The following RGL3 variants were observed in gnomAD, a reference collection of about 807,000 sequenced individuals.
RGL3 encodes ral guanine nucleotide dissociation stimulator like 3, also known as ral guanine nucleotide dissociation stimulator-like 3.
Under a neutral mutation model 90.6 loss-of-function variants are expected in RGL3, and 85 were observed. The observed-to-expected ratio is 0.94, with a 90% CI of 0.79 to 1.12. RGL3 has a LOEUF of 1.12. Ranked by LOEUF, RGL3 falls within the 50% of genes most tolerant of loss-of-function variation. RGL3 has a pLI of 0.00. For synonymous variants in RGL3, 408 were observed against 385.5 expected, an observed-to-expected ratio of 1.06 and a Z score of -0.68; for missense variants, 1,034 against 939.2, an observed-to-expected ratio of 1.10 and a Z score of -1.32.
Position 11,418,633 on chromosome 19 carries a change from C to T in RGL3, c.147+38G>A, listed in dbSNP as rs1425401885. The T allele has an allele frequency of 6.1e-6, 9 of 1,485,416 alleles. No homozygotes were observed. The East Asian group carries it at 1.7e-4, about 28-fold the overall frequency. 92.0% of individuals were successfully genotyped at this position (1,485,416 alleles called of 1,614,324 possible). Reference sequence around the variant, plus strand: ...CTCCAGCTCCGCCCTCAACTGGTCGCTTCCGGCCCCGCGCCACCCACCAAA... The same window carrying T: ...CTCCAGCTCCGCCCTCAACTGGTCGTTTCCGGCCCCGCGCCACCCACCAAA... On this transcript the variant is annotated intron_variant, in intron 2 of 18. Transcript: ENST00000380456.
chr19:11,414,156 T>C (rs1212947441), intron 5 of RGL3, among the ~76,000 whole-genome samples: 12 of 110,646 alleles, frequency 1.1e-4, no homozygotes, highest in Admixed American at 4.0e-4. Flanking sequence ...TATATATATA[T>C]ATATATATAT....
At chr19:11,416,309 C>T (rs1968996686) in intron 4 of RGL3, 161 bp from the exon 5 acceptor site, 2 of 648,790 alleles carry the variant, frequency 3.1e-6, no homozygotes, top group Non-Finnish European at 2.6e-6. Context: ...ACCTCAGCCT[C>T]CCGAGTAGCT....
At position 11,416,095 on chromosome 19, in the gene RGL3, C is replaced by T. The variant is rs202141927; in HGVS notation, c.479G>A (p.Arg160Gln). The T allele has an allele frequency of 1.9e-5, 30 of 1,604,806 alleles. No individual in the cohort carries two copies. Among genetic ancestry groups the T allele is most frequent in the African/African-American group, 1.5e-4 (11 of 74,400 alleles). Residue 160 changes from arginine to glutamine, a missense_variant, in exon 5 of 19, where the codon CGA (arginine) becomes CAA (glutamine). Physicochemically the swap from Arg to Gln is conservative, Grantham distance 43. Transcript: ENST00000380456. ...CAGGTCCGAATGGGCAGGGTGGTCT[C>T]GGAAATCCTGAGGGTGGTCCTGCAG... Reference protein sequence around the residue: ...SWLQDHPQDFRDHPAHSDLGS... With the variant: ...SWLQDHPQDFQDHPAHSDLGS...
At chr19:11,402,584 C>A in intron 10 of RGL3, 43 bp from the exon 11 acceptor site, 1 of 1,611,996 alleles carries the variant, frequency 6.2e-7, no homozygotes, top group Non-Finnish European at 8.5e-7. Context: ...CATTACTGAC[C>A]CCATCACCAT....
intron 16 of RGL3, among the ~76,000 whole-genome samples, chr19:11,398,400 C>G (rs1156639367): frequency 6.6e-6 from 1 of 151,920 alleles, no homozygotes; most frequent in Non-Finnish European, 1.5e-5. Context: ...GGCTGGAATG[C>G]AGTGGTGCCA....
chr19:11,401,051 AG>A (rs1343613238), intron 13 of RGL3, among the ~76,000 whole-genome samples: 1 of 151,660 alleles, frequency 6.6e-6, no homozygotes, highest in Non-Finnish European at 1.5e-5. Context: ...CTGAGGGTCA[AG>A]GGTTGGGGTC....
chr19:11,396,870 G>A (rs576801123), intron 18 of RGL3, among the ~76,000 whole-genome samples: 4 of 151,390 alleles, frequency 2.6e-5, no homozygotes, highest in Admixed American at 6.6e-5. Flanking sequence ...GTTTCACCAC[G>A]TTGGTCAGCC....
intron 13 of RGL3, among the ~76,000 whole-genome samples, chr19:11,401,226 ATT>A (rs1051265868): frequency 1.1e-3 from 140 of 130,636 alleles, no homozygotes; most frequent in African/African-American, 2.3e-3. Flanking sequence ...AATTGTGACT[ATT>A]TTTTTTTTTT....
intron 2 of RGL3, among the ~76,000 whole-genome samples, chr19:11,417,938 C>T (rs925755674): frequency 6.6e-6 from 1 of 152,128 alleles, no homozygotes; most frequent in Non-Finnish European, 1.5e-5. Flanking sequence ...GGTCCCTCTG[C>T]CCCAGCCTCC....
Position 11,406,415 on chromosome 19 carries a change from A to C in RGL3, c.996+4T>G. On this transcript the variant is annotated splice_donor_region_variant and intron_variant, in intron 7 of 18. Transcript: ENST00000380456. ...CGCATCCCCTCTCCGCGCCCGCAAC[A>C]CACCTGGGCGATGCGGATCCACTTC... 1.3e-6 allele frequency: 2 copies of C among 1,530,444 alleles called. No individual in the cohort carries two copies. The highest frequency in any genetic ancestry group is 3.9e-5 in the Admixed American group (2 of 50,724). The allele number at this position is 1,530,444 out of a possible 1,614,324, so 94.8% of individuals were successfully genotyped here.
At chr19:11,408,440 G>T (rs1275117763) in intron 5 of RGL3, among the ~76,000 whole-genome samples, 2 of 152,126 alleles carry the variant, frequency 1.3e-5, no homozygotes, top group East Asian at 3.9e-4. Context: ...ACAAAAATTA[G>T]CCGGGCGTGA....
chr19:11,405,006 G>T, intron 9 of RGL3, 141 bp downstream of exon 9: 1 of 725,164 alleles, frequency 1.4e-6, no homozygotes. Flanking sequence ...CAACCCGCCA[G>T]GGACAAGGAT....
intron 5 of RGL3, 148 bp downstream of exon 5, chr19:11,415,789 T>C: frequency 2.6e-6 from 2 of 771,502 alleles, no homozygotes; most frequent in Non-Finnish European, 4.2e-6. Context: ...AGAATTATTA[T>C]CCCCATTGTA....
chr19:11,415,914 G>A lies in RGL3; in HGVS notation c.637+23C>T, dbSNP rs200515985. 1.4e-4 allele frequency: 226 copies of A among 1,596,194 alleles called. 2 individuals carry two copies. Among genetic ancestry groups the A allele is most frequent in the Middle Eastern group, 1.4e-3 (8 of 5,896 alleles). On this transcript the variant is annotated intron_variant, in intron 5 of 18. Transcript: ENST00000380456. ...GACAGGAAAGGCCTTCTCAGAACAC[G>A]ACTGGATCTGAAAACCCCTCACCTG...
Position 11,418,746 on chromosome 19 carries a change from G to T in RGL3, c.72C>A (p.Gly24=). 1 of 1,574,342 alleles carries T rather than the reference G, an allele frequency of 6.4e-7. No individual in the cohort carries two copies. The highest frequency in any genetic ancestry group is 8.6e-7 in the Non-Finnish European group (1 of 1,164,148). The part of the protein sequence containing the change: ...LQDWGEETED[G]AVYSVSLRRQ... ...GCCGCAGGGAGACACTGTACACCGC[G>T]CCGTCCTCGGTCTCTTCACCCCAGT... is the stretch of plus-strand genomic sequence containing the variant. The change falls in exon 2 of 19, where the codon GGC becomes GGA. Residue 24 remains glycine, a synonymous_variant. Coordinates refer to ENST00000380456, the MANE Select transcript of RGL3 (RefSeq NM_001035223.4).
At chr19:11,413,087 A>G (rs1446607151) in intron 5 of RGL3, among the ~76,000 whole-genome samples, 2 of 152,120 alleles carry the variant, frequency 1.3e-5, no homozygotes, top group Non-Finnish European at 2.9e-5. Context: ...CAAAGAAACT[A>G]GGGCAGCACT....
At chr19:11,401,418 C>T (rs141408000) in intron 13 of RGL3, among the ~76,000 whole-genome samples, 2,343 of 145,960 alleles carry the variant, frequency 0.016, 59 homozygotes, top group African/African-American at 0.056. Flanking sequence ...TTTTTTGAGA[C>T]GGAGTCTCGC....
chr19:11,399,274 A>G (rs1968630131), intron 16 of RGL3, among the ~76,000 whole-genome samples: 1 of 152,104 alleles, frequency 6.6e-6, no homozygotes, highest in South Asian at 2.1e-4. Context: ...ACATGTCCTC[A>G]AAAAAGTGTA....
chr19:11,398,872 C>T (rs991418106), intron 16 of RGL3, among the ~76,000 whole-genome samples: 1 of 151,350 alleles, frequency 6.6e-6, no homozygotes, highest in East Asian at 2.0e-4. Context: ...GGTTTCACCA[C>T]GTTGGCCAGG....
Sources: allele counts gnomAD v4.1 joint callset (sites outside exome capture counted in the v4.1 genomes callset), GRCh38; gene constraint gnomAD v4.1.1; transcripts MANE v1.5; gene names NCBI Gene and HGNC (gene_info 2026-07-23, HGNC 2026-07-21).